Variants in MAPK10 observed in about 807,000 individuals in gnomAD.
MAPK10 encodes JNK3 alpha protein kinase.
In MAPK10, 25 loss-of-function variants were observed where a neutral mutation model predicts 59.3. The ratio of observed to expected loss-of-function variants is 0.42; its 90% CI spans 0.31 to 0.59. The LOEUF (loss-of-function observed/expected upper bound fraction) is 0.59. MAPK10 is among the 20% of genes least tolerant of loss of function. MAPK10 has a pLI of 0.15. For missense variants in MAPK10, 351 were observed against 568.9 expected, an observed-to-expected ratio of 0.62 and a Z score of 3.90; for synonymous variants, 190 against 200.5, an observed-to-expected ratio of 0.95 and a Z score of 0.44.
At chr4:86,220,496 G>A (rs1454335727) in intron 2 of MAPK10, among the ~76,000 whole-genome samples, 1 of 152,170 alleles carries the variant, frequency 6.6e-6, no homozygotes. Flanking sequence ...GATGCCATAA[G>A]CAGCTCTTCC....
At chr4:86,080,418 A>G (rs1561440898) in intron 9 of MAPK10, 2 of 151,984 alleles carry the variant, frequency 1.3e-5, no homozygotes, top group Non-Finnish European at 1.5e-5. Context: ...AAAAGCAAGT[A>G]GAATAATATC....
At chr4:86,123,345 G>A (rs1474052009) in intron 4 of MAPK10, among the ~76,000 whole-genome samples, 1 of 152,032 alleles carries the variant, frequency 6.6e-6, no homozygotes, top group East Asian at 1.9e-4. Flanking sequence ...TGTGAATAAT[G>A]CTGCAATGAA....
At chr4:86,128,431 T>C (rs1364960435) in intron 4 of MAPK10, among the ~76,000 whole-genome samples, 1 of 151,720 alleles carries the variant, frequency 6.6e-6, no homozygotes, top group East Asian at 1.9e-4. Context: ...TTAGTTCTTA[T>C]GAGATCTGAT....
At chr4:86,208,911 C>T (rs528841302) in intron 2 of MAPK10, among the ~76,000 whole-genome samples, 1 of 152,002 alleles carries the variant, frequency 6.6e-6, no homozygotes, top group Non-Finnish European at 1.5e-5. Context: ...TCTGATAATA[C>T]CTAATGTTGT....
intron 3 of MAPK10, among the ~76,000 whole-genome samples, chr4:86,173,655 G>A (rs1020581938): frequency 2.0e-5 from 3 of 151,762 alleles, no homozygotes; most frequent in African/African-American, 7.3e-5. Context: ...TAAAGAGCTG[G>A]TGCACAGCAA....
At chr4:86,245,865 G>A (rs1415142412) in intron 2 of MAPK10, among the ~76,000 whole-genome samples, 1 of 152,072 alleles carries the variant, frequency 6.6e-6, no homozygotes, top group Non-Finnish European at 1.5e-5. Flanking sequence ...AGTAGATGAT[G>A]TTTAAAAATC....
At chr4:86,540,392 C>T (rs1471487953) in intron 1 of MAPK10, among the ~76,000 whole-genome samples, 1 of 152,106 alleles carries the variant, frequency 6.6e-6, no homozygotes, top group Non-Finnish European at 1.5e-5. Context: ...CCCAACTACT[C>T]AGGGGGCTGA....
At chr4:86,468,731 G>A (rs1752417191) in intron 1 of MAPK10, among the ~76,000 whole-genome samples, 1 of 152,158 alleles carries the variant, frequency 6.6e-6, no homozygotes. Context: ...GCATGCACCT[G>A]TAGTCCCAGC....
chr4:86,375,811 T>C (rs898410540), intron 1 of MAPK10, among the ~76,000 whole-genome samples: 1 of 145,936 alleles, frequency 6.9e-6, no homozygotes, highest in Non-Finnish European at 1.5e-5. Flanking sequence ...TCTCAATCAA[T>C]AAAGCAAGTA....
rs192779156 is a variant in MAPK10 at position 86,514,623 on chromosome 4, A to C, written c.-263+79287T>G. On this transcript the variant is annotated intron_variant, in intron 1 of 4. Coordinates refer to the MAPK10 transcript ENST00000502302. ...ATCAATTTTCTATGTGTACATTTAC[A>C]TGTATATTACAGCTTAAATAATATT... is the stretch of plus-strand genomic sequence containing the variant. 2.0e-4 allele frequency among the ~76,000 whole-genome samples: 30 copies of C among 152,334 alleles called. No homozygotes were observed. In the East Asian group the frequency reaches 2.7e-3, roughly 14 times the overall value.
chr4:86,584,619 A>T (rs1762538627), intron 1 of MAPK10, among the ~76,000 whole-genome samples: 1 of 152,000 alleles, frequency 6.6e-6, no homozygotes, highest in African/African-American at 2.4e-5. Context: ...AATTTTTAAA[A>T]TTTTTTGTAG....
At chr4:86,285,319 G>C (rs2148809184) in intron 2 of MAPK10, among the ~76,000 whole-genome samples, 1 of 151,900 alleles carries the variant, frequency 6.6e-6, no homozygotes, top group East Asian at 1.9e-4. Flanking sequence ...CCGGGTTCAA[G>C]CAATTCTCTG....
At chr4:86,540,192 C>T (rs1034044412) in intron 1 of MAPK10, among the ~76,000 whole-genome samples, 49 of 152,176 alleles carry the variant, frequency 3.2e-4, no homozygotes, top group African/African-American at 1.2e-3. Context: ...TGAAGCAAAG[C>T]ACCTTTGATA....
chr4:86,195,719 C>T (rs1422714083), intron 2 of MAPK10, among the ~76,000 whole-genome samples: 1 of 152,188 alleles, frequency 6.6e-6, no homozygotes, highest in Non-Finnish European at 1.5e-5. Flanking sequence ...TATCCCTCCC[C>T]TAGGCCCCCA....
At chr4:86,507,141 A>G (rs1489605749) in intron 1 of MAPK10, among the ~76,000 whole-genome samples, 2 of 152,118 alleles carry the variant, frequency 1.3e-5, no homozygotes, top group Non-Finnish European at 2.9e-5. Flanking sequence ...AAGAATTACT[A>G]CATATCCAAC....
upstream of MAPK10, among the ~76,000 whole-genome samples, chr4:86,363,202 A>G (rs915684152): frequency 6.6e-6 from 1 of 152,228 alleles, no homozygotes; most frequent in African/African-American, 2.4e-5. Flanking sequence ...GAAGTACACT[A>G]TAACAACTGC....
chr4:86,102,449 T>A (rs1290742177), intron 6 of MAPK10: 3 of 159,812 alleles, frequency 1.9e-5, no homozygotes, highest in African/African-American at 7.2e-5. Context: ...GGGTAGACTT[T>A]GCACAAAATC....
At chr4:86,100,893 T>G (rs1057206117) in intron 8 of MAPK10, 159 bp downstream of exon 8, 26 of 560,922 alleles carry the variant, frequency 4.6e-5, no homozygotes, top group African/African-American at 4.5e-4. Context: ...TTTTAATGAG[T>G]GTTTCTTACC....
chr4:86,254,862 T>C (rs939894113), intron 2 of MAPK10, among the ~76,000 whole-genome samples: 1 of 152,124 alleles, frequency 6.6e-6, no homozygotes, highest in African/African-American at 2.4e-5. Context: ...TAAAGGCTTA[T>C]AAAAATTGGG....
Sources: gnomAD v4.1 joint callset for allele counts (sites outside exome capture counted in the v4.1 genomes callset) on GRCh38, gnomAD v4.1.1 for gene constraint, MANE v1.5 for transcripts, NCBI Gene and HGNC (gene_info 2026-07-23, HGNC 2026-07-21) for gene names.